The following LRRIQ1 variants were observed in gnomAD, a reference collection of about 807,000 sequenced individuals.
LRRIQ1 encodes leucine-rich repeat- and IQ domain-containing protein 1.
A neutral mutation model predicts 211.9 loss-of-function variants in LRRIQ1; 210 were observed. The observed-to-expected ratio is 0.99, with a 90% CI of 0.89 to 1.11. The LOEUF (loss-of-function observed/expected upper bound fraction) is 1.11. LRRIQ1 is among the 50% of genes most tolerant of loss of function. The pLI is 0.00. For missense variants in LRRIQ1, 2,136 were observed against 1,939.5 expected, an observed-to-expected ratio of 1.10 and a Z score of -1.90; for synonymous variants, 699 against 650.1, an observed-to-expected ratio of 1.08 and a Z score of -1.14.
intron 26 of LRRIQ1, 133 bp from the exon 27 acceptor site, chr12:85,244,656 A>G: frequency 2.6e-6 from 2 of 782,514 alleles, no homozygotes; most frequent in Non-Finnish European, 4.2e-6. Context: ...GGGCAGCAAT[A>G]AAGGATTGTG....
intron 16 of LRRIQ1, among the ~76,000 whole-genome samples, chr12:85,123,148 CAT>C (rs1328866130): frequency 6.6e-6 from 1 of 151,846 alleles, no homozygotes; most frequent in African/African-American, 2.4e-5. Context: ...AAATATAAAA[CAT>C]ATATTGGATG....
intron 15 of LRRIQ1, among the ~76,000 whole-genome samples, chr12:85,121,143 G>A (rs1887953238): frequency 6.6e-6 from 1 of 151,794 alleles, no homozygotes; most frequent in South Asian, 2.1e-4. Flanking sequence ...ATAGACTTTT[G>A]CAAATACCTT....
chr12:85,163,331 T>G (rs1239035456), intron 24 of LRRIQ1, among the ~76,000 whole-genome samples: 1 of 145,440 alleles, frequency 6.9e-6, no homozygotes, highest in African/African-American at 2.6e-5. Flanking sequence ...ATAAAATTAG[T>G]GGTTGGGCAT....
intron 10 of LRRIQ1, 70 bp from the exon 11 acceptor site, chr12:85,072,837 A>G (rs1883237319): frequency 3.6e-6 from 4 of 1,099,836 alleles, no homozygotes; most frequent in African/African-American, 1.6e-5. Flanking sequence ...TTTTTCTCAT[A>G]TAAGCTATAA....
chr12:85,213,910 A>G (rs1397684989), intron 24 of LRRIQ1, among the ~76,000 whole-genome samples: 1 of 152,028 alleles, frequency 6.6e-6, no homozygotes, highest in East Asian at 1.9e-4. Context: ...AAAATAAGAG[A>G]GAAAACACAA....
At chr12:85,246,969 TG>T (rs1895740021), downstream of LRRIQ1, among the ~76,000 whole-genome samples, 1 of 151,430 alleles carries the variant, frequency 6.6e-6, no homozygotes. Flanking sequence ...AGCACCTCTT[TG>T]TAGAGTTGTT....
intron 24 of LRRIQ1, 132 bp downstream of exon 24, chr12:85,160,846 A>G: frequency 2.8e-6 from 1 of 353,402 alleles, no homozygotes; most frequent in East Asian, 4.6e-5. Context: ...ATATACTTGA[A>G]TAACTCAAAA....
chr12:85,232,790 T>G, intron 26 of LRRIQ1, 34 bp downstream of exon 26: 1 of 1,480,026 alleles, frequency 6.8e-7, no homozygotes, highest in Non-Finnish European at 9.4e-7. Context: ...AGAAAAATGT[T>G]GTAGACACTA....
At chr12:85,168,649 T>C (rs1210303209) in intron 24 of LRRIQ1, among the ~76,000 whole-genome samples, 1 of 152,136 alleles carries the variant, frequency 6.6e-6, no homozygotes, top group African/African-American at 2.4e-5. Flanking sequence ...CCTGGACCTG[T>C]GAATCCTGGC....
At position 85,040,519 on chromosome 12, in the gene LRRIQ1, T is replaced by C; in HGVS notation, c.162T>C (p.Leu54=). 6.4e-7 allele frequency: 1 copy of C among 1,572,668 alleles called. No homozygotes were observed. Among genetic ancestry groups the C allele is most frequent in the Non-Finnish European group, 8.6e-7 (1 of 1,158,346 alleles). ...CAGTTGAATTACCAGAATCAGTTCT[T>C]CACTGTATTAACATCATAAAGAACA... ...TDSVELPESV[L]HCINIIKNRS... is the part of the protein sequence containing the mutation. The change falls in exon 3 of 27, where the codon CTT becomes CTC. Residue 54 remains leucine, a synonymous_variant. Coordinates refer to ENST00000393217, the MANE Select transcript of LRRIQ1 (RefSeq NM_001079910.2).
At chr12:85,053,257 A>T (rs1048195244) in intron 7 of LRRIQ1, among the ~76,000 whole-genome samples, 12 of 152,138 alleles carry the variant, frequency 7.9e-5, no homozygotes, top group African/African-American at 2.4e-4. Flanking sequence ...GCAGAAGCAA[A>T]GAGGTAAAGA....
chr12:85,200,304 T>A (rs2137012631), intron 24 of LRRIQ1, among the ~76,000 whole-genome samples: 1 of 152,320 alleles, frequency 6.6e-6, no homozygotes, highest in South Asian at 2.1e-4. Flanking sequence ...TACTGAATTT[T>A]GTACATTGAT....
In LRRIQ1 at chr12:85,055,968, AACAGCTAATAATAAGTAGTGCATT is replaced by A; in HGVS notation, c.1177_1200del (p.Gln393_Leu400del). 1 of 1,609,712 alleles carries A rather than the reference AACAGCTAATAATAAGTAGTGCATT, an allele frequency of 6.2e-7. No individual in the cohort carries two copies. Among genetic ancestry groups the A allele is most frequent in the Admixed American group, 1.7e-5 (1 of 59,662 alleles). ...ATAATATTAAGAGAAGATGCAAGCCAACAGCTAATAATAAGTAGTGCATTAAAGAAGAGCGGATATAATAACAAA... is the reference window on the plus strand; with the variant it reads ...ATAATATTAAGAGAAGATGCAAGCCAAAAGAAGAGCGGATATAATAACAAA... On this transcript the variant is annotated inframe_deletion, in exon 8 of 27. Coordinates refer to ENST00000393217, the MANE Select transcript of LRRIQ1 (RefSeq NM_001079910.2).
Position 85,137,757 on chromosome 12 carries a change from A to G in LRRIQ1, c.4210-93A>G. 15 of 1,056,658 alleles carry G rather than the reference A, an allele frequency of 1.4e-5. No homozygotes were observed. The South Asian group carries it at 3.2e-4, about 23-fold the overall frequency. The allele number at this position is 1,056,658 out of a possible 1,614,324, so 65.5% of individuals were successfully genotyped here. A position where few individuals can be genotyped will look rare whatever the true frequency, so the allele number is the denominator to read the frequency against. On this transcript the variant is annotated intron_variant, in intron 18 of 26. Transcript: ENST00000393217. ...TTATTGTGTCATTAAACTTAGGTCT[A>G]AGATGTTTTATCTTCCTAATGGGAT...
chr12:85,144,139 C>G (rs1194130007), intron 19 of LRRIQ1, among the ~76,000 whole-genome samples: 2 of 151,462 alleles, frequency 1.3e-5, no homozygotes, highest in Admixed American at 6.6e-5. Context: ...TTGTTTAGCT[C>G]CAACTTATAA....
chr12:85,245,465 T>C (rs1895674143), downstream of LRRIQ1, among the ~76,000 whole-genome samples: 1 of 150,150 alleles, frequency 6.7e-6, no homozygotes, highest in Admixed American at 6.7e-5. Context: ...CTATTACCTT[T>C]AACTTGGTGA....
intron 15 of LRRIQ1, among the ~76,000 whole-genome samples, chr12:85,108,511 C>G (rs1364105779): frequency 1.3e-5 from 2 of 152,096 alleles, no homozygotes; most frequent in Non-Finnish European, 2.9e-5. Context: ...TCTACTGGTC[C>G]TTTCCCCTGA....
At chr12:85,126,693 A>C (rs1189444409) in intron 17 of LRRIQ1, among the ~76,000 whole-genome samples, 1 of 152,142 alleles carries the variant, frequency 6.6e-6, no homozygotes, top group African/African-American at 2.4e-5. Flanking sequence ...AACAGATTGG[A>C]GCCTTCTACT....
At chr12:85,263,970 G>C (rs1292349293) in exon 2 of LRRIQ1, 1 of 151,896 alleles carries the variant, frequency 6.6e-6, no homozygotes, top group Non-Finnish European at 1.5e-5. Flanking sequence ...ACTCTCCCGA[G>C]TCTGGAACTT....
Sources: gnomAD v4.1 joint callset for allele counts (sites outside exome capture counted in the v4.1 genomes callset) on GRCh38, gnomAD v4.1.1 for gene constraint, MANE v1.5 for transcripts, NCBI Gene and HGNC (gene_info 2026-07-23, HGNC 2026-07-21) for gene names.